KRABD5: variants seen among roughly 807,000 people sequenced by gnomAD.
The protein encoded by KRABD5 is KRAB domain containing 5.
chr16:31,742,310 A>C, the KRABD5 span, among the ~76,000 whole-genome samples: 3 of 151,264 alleles, frequency 2.0e-5, no homozygotes, highest in Admixed American at 2.0e-4. Flanking sequence ...CCTTCCCCTC[A>C]CCCACCCAGC....
At chr16:31,749,332 C>G in the KRABD5 span, among the ~76,000 whole-genome samples, 1 of 152,304 alleles carries the variant, frequency 6.6e-6, no homozygotes, top group Non-Finnish European at 1.5e-5. Flanking sequence ...AAAGCACAGC[C>G]TGGAGCTATA....
the KRABD5 span, among the ~76,000 whole-genome samples, chr16:31,734,097 G>A: frequency 6.6e-6 from 1 of 152,106 alleles, no homozygotes; most frequent in Admixed American, 6.5e-5. Context: ...TTGATACAAT[G>A]TTAATTGTAC....
At chr16:31,717,281 C>T in the KRABD5 span, among the ~76,000 whole-genome samples, 1 of 152,190 alleles carries the variant, frequency 6.6e-6, no homozygotes, top group Non-Finnish European at 1.5e-5. Context: ...CAGGCGTGAG[C>T]CACTGTGCCT....
the KRABD5 span, among the ~76,000 whole-genome samples, chr16:31,726,547 G>A: frequency 3.9e-5 from 6 of 152,120 alleles, no homozygotes; most frequent in Admixed American, 6.5e-5. Context: ...GATCACTTGA[G>A]GCCAGGAGTT....
the KRABD5 span, among the ~76,000 whole-genome samples, chr16:31,713,939 C>T: frequency 6.6e-6 from 1 of 152,208 alleles, no homozygotes; most frequent in Non-Finnish European, 1.5e-5. Flanking sequence ...CAGGGCTCAG[C>T]TTAGGAATGC....
chr16:31,759,449 G>C, the KRABD5 span: 1 of 1,521,894 alleles, frequency 6.6e-7, no homozygotes, highest in Non-Finnish European at 8.9e-7. Context: ...GGTGATGAAA[G>C]TGTTGCTTCG....
chr16:31,733,205 G>C, the KRABD5 span, among the ~76,000 whole-genome samples: 4 of 151,854 alleles, frequency 2.6e-5, no homozygotes, highest in African/African-American at 9.7e-5. Context: ...CTTTGTTCAT[G>C]ACTTATCTTG....
the KRABD5 span, among the ~76,000 whole-genome samples, chr16:31,717,006 T>G: frequency 2.8e-5 from 4 of 145,250 alleles, no homozygotes; most frequent in South Asian, 2.2e-4. Context: ...TGTTTTTTTT[T>G]TTTTTTTTTT....
chr16:31,760,511 G>C, the KRABD5 span: 1 of 129,346 alleles, frequency 7.7e-6, no homozygotes, highest in Non-Finnish European at 1.6e-5. Flanking sequence ...GGAGCCAGGG[G>C]TGAGACCCAC....
At chr16:31,746,540 C>T in the KRABD5 span, among the ~76,000 whole-genome samples, 2 of 152,126 alleles carry the variant, frequency 1.3e-5, no homozygotes, top group East Asian at 1.9e-4. Flanking sequence ...TTCTGGCTGC[C>T]CTTAACATTG....
At chr16:31,748,308 C>T in the KRABD5 span, among the ~76,000 whole-genome samples, 30 of 152,196 alleles carry the variant, frequency 2.0e-4, no homozygotes, top group African/African-American at 6.0e-4. Flanking sequence ...TGTAGATATG[C>T]GGCATTATTT....
the KRABD5 span, chr16:31,723,250 T>C: frequency 6.2e-7 from 1 of 1,611,918 alleles, no homozygotes; most frequent in Admixed American, 1.7e-5. Context: ...CTTTTTCTAA[T>C]AAAACAGGTC....
the KRABD5 span, among the ~76,000 whole-genome samples, chr16:31,728,786 A>T: frequency 6.6e-6 from 1 of 152,146 alleles, no homozygotes; most frequent in Non-Finnish European, 1.5e-5. Context: ...GTTGGATGGG[A>T]TGTTATATGT....
At chr16:31,733,828 C>A in the KRABD5 span, among the ~76,000 whole-genome samples, 8 of 152,216 alleles carry the variant, frequency 5.3e-5, no homozygotes, top group East Asian at 1.4e-3. Flanking sequence ...CAGGTATTGT[C>A]TTTTGGGAGT....
chr16:31,722,041 C>G, the KRABD5 span, among the ~76,000 whole-genome samples: 6 of 151,900 alleles, frequency 3.9e-5, no homozygotes, highest in East Asian at 1.2e-3. Flanking sequence ...ATGTATACTC[C>G]TATGTTGATG....
At chr16:31,725,706 G>C in the KRABD5 span, among the ~76,000 whole-genome samples, 1 of 152,080 alleles carries the variant, frequency 6.6e-6, no homozygotes, top group African/African-American at 2.4e-5. Context: ...TTGAGGTTTG[G>C]TGTTCATTTC....
the KRABD5 span, chr16:31,759,417 A>G: frequency 3.3e-6 from 5 of 1,536,534 alleles, no homozygotes; most frequent in Non-Finnish European, 4.4e-6. Context: ...AAAAAGGACC[A>G]AAGACAAGTG....
the KRABD5 span, among the ~76,000 whole-genome samples, chr16:31,750,727 T>C: frequency 4.3e-4 from 66 of 151,898 alleles, no homozygotes; most frequent in Middle Eastern, 3.4e-3. Flanking sequence ...GTTTTTTTTT[T>C]ATCATTAAGG....
chr16:31,717,201 G>T, the KRABD5 span, among the ~76,000 whole-genome samples: 1 of 151,966 alleles, frequency 6.6e-6, no homozygotes, highest in Non-Finnish European at 1.5e-5. Flanking sequence ...TCACCATGTT[G>T]TCCAGGCTGG....
Sources: gnomAD v4.1 joint callset for allele counts (sites outside exome capture counted in the v4.1 genomes callset) on GRCh38, gnomAD v4.1.1 for gene constraint, MANE v1.5 for transcripts, NCBI Gene and HGNC (gene_info 2026-07-23, HGNC 2026-07-21) for gene names.